Variants in SBNO1 observed in about 807,000 individuals in gnomAD.
The protein encoded by SBNO1 is protein strawberry notch homolog 1.
A neutral mutation model predicts 173.6 loss-of-function variants in SBNO1; 23 were observed. The ratio of observed to expected loss-of-function variants is 0.13; its 90% CI spans 0.10 to 0.19. The LOEUF is 0.19. SBNO1 is among the 10% of genes least tolerant of loss of function. The pLI, the probability that SBNO1 is intolerant of heterozygous loss-of-function variation, is 1.00. For synonymous variants in SBNO1, 632 were observed against 571.5 expected, an observed-to-expected ratio of 1.11 and a Z score of -1.51; for missense variants, 1,238 against 1,671.2, an observed-to-expected ratio of 0.74 and a Z score of 4.52.
chr12:123,348,557 G>A (rs901184893), intron 2 of SBNO1, among the ~76,000 whole-genome samples: 3 of 152,206 alleles, frequency 2.0e-5, no homozygotes, highest in African/African-American at 7.2e-5. Flanking sequence ...ACAAGGTCAG[G>A]AGATCGAGAC....
At chr12:123,307,020 T>TTAAAAAA (rs755357101) in intron 28 of SBNO1, among the ~76,000 whole-genome samples, 1 of 64,416 alleles carries the variant, frequency 1.6e-5, no homozygotes. Context: ...TCAACTGCAT[T>TTAAAAAA]AAAAAAAAAA....
At chr12:123,358,493 C>A (rs901070749) in intron 1 of SBNO1, among the ~76,000 whole-genome samples, 2 of 152,000 alleles carry the variant, frequency 1.3e-5, no homozygotes, top group African/African-American at 2.4e-5. Flanking sequence ...GTGGCTCATG[C>A]CTATAATCCC....
chr12:123,315,737 T>C (rs1869184302), intron 21 of SBNO1, 77 bp from the exon 22 acceptor site: 5 of 798,620 alleles, frequency 6.3e-6, no homozygotes, highest in South Asian at 5.8e-5. Flanking sequence ...ATTCCTAGCA[T>C]TTAACACTAA....
intron 6 of SBNO1, among the ~76,000 whole-genome samples, chr12:123,335,573 A>C (rs1871742272): frequency 6.6e-6 from 1 of 152,216 alleles, no homozygotes; most frequent in Non-Finnish European, 1.5e-5. Context: ...CTTTTTCTGT[A>C]AAGGGTCAGA....
intron 7 of SBNO1, among the ~76,000 whole-genome samples, chr12:123,333,290 T>C (rs1871433102): frequency 7.2e-5 from 1 of 13,986 alleles, no homozygotes; most frequent in Non-Finnish European, 2.0e-4. Flanking sequence ...TGCTTAACTC[T>C]ACCTCACATC....
chr12:123,315,842 T>C (rs1215817891), intron 21 of SBNO1, among the ~76,000 whole-genome samples, 182 bp from the exon 22 acceptor site: 1 of 152,174 alleles, frequency 6.6e-6, no homozygotes, highest in Admixed American at 6.6e-5. Flanking sequence ...AGTATTAGCA[T>C]TGCTACCCCA....
chr12:123,290,151 C>G lies in SBNO1; in HGVS notation c.*5757G>C, dbSNP rs2138845912. 6.6e-6 allele frequency: 1 copy of G among 152,432 alleles called. No individual in the cohort carries two copies. Among genetic ancestry groups the G allele is most frequent in the African/African-American group, 2.4e-5 (1 of 41,598 alleles). The allele number at this position is 152,432 out of a possible 1,614,324, so 9.4% of individuals were successfully genotyped here. A position where few individuals can be genotyped will look rare whatever the true frequency, so the allele number is the denominator to read the frequency against. On this transcript the variant is annotated 3_prime_UTR_variant, in exon 32 of 32. Transcript: ENST00000602398. Reference sequence around the variant, plus strand: ...CGTTGCGGCAGCCCAGATGGCCGCACTGCCAACCACAGCACGGCTTCCCCA... The same window carrying G: ...CGTTGCGGCAGCCCAGATGGCCGCAGTGCCAACCACAGCACGGCTTCCCCA...
intron 30 of SBNO1, among the ~76,000 whole-genome samples, chr12:123,300,316 C>G (rs1168186064): frequency 2.6e-5 from 4 of 152,146 alleles, no homozygotes; most frequent in African/African-American, 9.7e-5. Context: ...TCATCTTGAT[C>G]TCCCAAAGTG....
rs770775505 is a variant in SBNO1 at position 123,313,589 on chromosome 12, T to C, written c.3220+31A>G. 2.0e-5 allele frequency: 22 copies of C among 1,125,500 alleles called. No homozygotes were observed. The East Asian group carries it at 5.2e-4, about 27-fold the overall frequency. 69.7% of individuals were successfully genotyped at this position (1,125,500 alleles called of 1,614,324 possible). A position where few individuals can be genotyped will look rare whatever the true frequency, so the allele number is the denominator to read the frequency against. On this transcript the variant is annotated intron_variant, in intron 24 of 31. Transcript: ENST00000602398. ...TGAGTACATCTTTGTCAATAATCAT[T>C]GTCATTGTTATGAATATTTGTAGAA... is the stretch of plus-strand genomic sequence containing the variant.
chr12:123,360,362 C>A (rs1479605214), intron 1 of SBNO1, among the ~76,000 whole-genome samples: 3 of 152,184 alleles, frequency 2.0e-5, no homozygotes, highest in Non-Finnish European at 4.4e-5. Flanking sequence ...TGTTCTCCAT[C>A]TTCACAGGTG....
intron 1 of SBNO1, among the ~76,000 whole-genome samples, chr12:123,357,178 G>A (rs562570672): frequency 6.1e-4 from 93 of 152,312 alleles, no homozygotes; most frequent in Admixed American, 3.9e-4. Context: ...TGAGCATGGT[G>A]GCTCATGCCT....
chr12:123,330,583 GC>G, intron 8 of SBNO1, 74 bp from the exon 9 acceptor site: 1 of 728,790 alleles, frequency 1.4e-6, no homozygotes, highest in South Asian at 1.9e-5. Flanking sequence ...AATTAATAAA[GC>G]CAGGTCTTGA....
intron 24 of SBNO1, among the ~76,000 whole-genome samples, chr12:123,311,902 AT>A (rs898577536): frequency 6.8e-6 from 1 of 147,190 alleles, no homozygotes; most frequent in African/African-American, 2.5e-5. Flanking sequence ...TGCCTGGCTA[AT>A]TTTTTTTTGT....
chr12:123,364,810 T>C lies in SBNO1; in HGVS notation c.-110A>G, dbSNP rs1030822454. The stretch of plus-strand genomic sequence containing the variant: ...GGTGGCGGCGGCAGCAGCGGCGTCC[T>C]GCTCTGCCTACCTCCCCGCCGCCAT... On this transcript the variant is annotated 5_prime_UTR_variant, in exon 1 of 32. Coordinates refer to ENST00000602398, the MANE Select transcript of SBNO1 (RefSeq NM_001167856.3). 15 of 982,164 alleles carry C rather than the reference T, an allele frequency of 1.5e-5. No homozygotes were observed. In the Admixed American group the frequency reaches 2.5e-4, roughly 16 times the overall value. 60.8% of individuals were successfully genotyped at this position (982,164 alleles called of 1,614,324 possible). A position where few individuals can be genotyped will look rare whatever the true frequency, so the allele number is the denominator to read the frequency against.
intron 23 of SBNO1, 107 bp downstream of exon 23, chr12:123,315,266 A>G: frequency 1.3e-6 from 1 of 791,096 alleles, no homozygotes; most frequent in Non-Finnish European, 2.1e-6. Flanking sequence ...AAGCAAATGC[A>G]TAGGAGAGGC....
At chr12:123,356,769 C>A (rs1055674063) in intron 1 of SBNO1, among the ~76,000 whole-genome samples, 5 of 152,184 alleles carry the variant, frequency 3.3e-5, no homozygotes, top group African/African-American at 1.2e-4. Context: ...AAATACTAGT[C>A]CCTTTTTATC....
chr12:123,292,472 T>C lies in SBNO1; in HGVS notation c.*3436A>G, dbSNP rs1031352358. 6.6e-6 allele frequency: 1 copy of C among 152,194 alleles called. No homozygotes were observed. The highest frequency in any genetic ancestry group is 2.4e-5 in the African/African-American group (1 of 41,444). 9.4% of individuals were successfully genotyped at this position (152,194 alleles called of 1,614,324 possible). On this transcript the variant is annotated 3_prime_UTR_variant, in exon 32 of 32. Coordinates refer to ENST00000602398, the MANE Select transcript of SBNO1 (RefSeq NM_001167856.3). ...AGGGAAGAAGGCTCCCATTCTACAATTATAAATGCTGTCCTGGTAGCCTTT... is the reference window on the plus strand; with the variant it reads ...AGGGAAGAAGGCTCCCATTCTACAACTATAAATGCTGTCCTGGTAGCCTTT...
chr12:123,315,743 A>C (rs547652976), intron 21 of SBNO1, 83 bp from the exon 22 acceptor site: 1 of 765,386 alleles, frequency 1.3e-6, no homozygotes, highest in South Asian at 1.5e-5. Context: ...AGCATTTAAC[A>C]CTAAACTGGT....
chr12:123,301,855 G>A (rs1010830132), intron 30 of SBNO1, among the ~76,000 whole-genome samples: 2 of 152,058 alleles, frequency 1.3e-5, no homozygotes, highest in Non-Finnish European at 2.9e-5. Context: ...CTCCAGCCTA[G>A]GTGATATAGG....
Sources: gnomAD v4.1 joint callset for allele counts (sites outside exome capture counted in the v4.1 genomes callset) on GRCh38, gnomAD v4.1.1 for gene constraint, MANE v1.5 for transcripts, NCBI Gene and HGNC (gene_info 2026-07-23, HGNC 2026-07-21) for gene names.